Variants in SLC7A14 observed in about 807,000 individuals in gnomAD.
SLC7A14 encodes the protein gamma-aminobutyric acid transporter SLC7A14.
Under a neutral mutation model 60.2 loss-of-function variants are expected in SLC7A14, and 37 were observed. The observed-to-expected ratio is 0.61, with a 90% CI of 0.47 to 0.81. The LOEUF (loss-of-function observed/expected upper bound fraction) is 0.81. Ranked by LOEUF, SLC7A14 falls within the 30% of genes least tolerant of loss-of-function variation. SLC7A14 has a pLI of 0.00. For synonymous variants in SLC7A14, 399 were observed against 395.8 expected, an observed-to-expected ratio of 1.01 and a Z score of -0.10; for missense variants, 886 against 982.7, an observed-to-expected ratio of 0.90 and a Z score of 1.32.
intron 7 of SLC7A14, among the ~76,000 whole-genome samples, chr3:170,479,591 C>G (rs1577498580): frequency 1.3e-5 from 2 of 152,094 alleles, no homozygotes; most frequent in African/African-American, 4.8e-5. Flanking sequence ...CAATTGAGGA[C>G]CTAACAGAGT....
At chr3:170,497,439 G>A (rs116198307) in intron 4 of SLC7A14, among the ~76,000 whole-genome samples, 4,935 of 131,362 alleles carry the variant, frequency 0.038, 270 homozygotes, top group African/African-American at 0.15. Context: ...GCGTGGTTCG[G>A]AATAAACAAG....
intron 1 of SLC7A14, among the ~76,000 whole-genome samples, chr3:170,534,420 G>A (rs1330796214): frequency 6.6e-6 from 1 of 152,212 alleles, no homozygotes; most frequent in East Asian, 1.9e-4. Flanking sequence ...GGGGTGAGAA[G>A]TGTCCTCCTC....
intron 1 of SLC7A14, among the ~76,000 whole-genome samples, chr3:170,554,572 A>G (rs934726827): frequency 6.6e-6 from 1 of 151,990 alleles, no homozygotes; most frequent in South Asian, 2.1e-4. Context: ...CACAGCATTC[A>G]CCTGCTTCAG....
rs78146668 is a variant in SLC7A14, at chr3:170,575,849, A to G, written c.-153+10062T>C. On this transcript the variant is annotated intron_variant, in intron 1 of 7. Coordinates refer to ENST00000231706, the MANE Select transcript of SLC7A14 (RefSeq NM_020949.3). Reference sequence around the variant, plus strand: ...TTGGACTCCATGAGCCCTGAATTCAAATGATATTCCTAAGATACTCATAAA... The same window carrying G: ...TTGGACTCCATGAGCCCTGAATTCAGATGATATTCCTAAGATACTCATAAA... Among the ~76,000 whole-genome samples, 105 of 152,294 alleles carry G rather than the reference A, an allele frequency of 6.9e-4. 1 individual carries two copies. The East Asian group carries it at 0.019, about 27-fold the overall frequency.
rs1405478878 is a variant in SLC7A14, at chr3:170,461,636, T to G, written c.*5419A>C. On this transcript the variant is annotated 3_prime_UTR_variant, in exon 8 of 8. Transcript: ENST00000231706. ...AAACTTCAGCTTTCTGGTTCCTGCG[T>G]GTGGTGGGGCCTGCGGTTTGGGATG... 1 of 152,300 alleles carries G rather than the reference T, an allele frequency of 6.6e-6. No homozygotes were observed. The highest frequency in any genetic ancestry group is 1.5e-5 in the Non-Finnish European group (1 of 68,072). 9.4% of individuals were successfully genotyped at this position (152,300 alleles called of 1,614,324 possible).
chr3:170,485,513 A>G (rs1191588903), intron 5 of SLC7A14, among the ~76,000 whole-genome samples: 1 of 152,164 alleles, frequency 6.6e-6, no homozygotes, highest in African/African-American at 2.4e-5. Flanking sequence ...TGCCAGGGGC[A>G]GAGGGGGATG....
intron 1 of SLC7A14, among the ~76,000 whole-genome samples, chr3:170,576,447 C>T (rs575282459): frequency 6.6e-6 from 1 of 152,152 alleles, no homozygotes; most frequent in Non-Finnish European, 1.5e-5. Flanking sequence ...GAATCTTTGC[C>T]CCTGCAGAGG....
rs1711894139 is a variant in SLC7A14, at chr3:170,483,303, A to G, written c.1115+11T>C. 2 of 1,613,960 alleles carry G rather than the reference A, an allele frequency of 1.2e-6. No homozygotes were observed. Among genetic ancestry groups the G allele is most frequent in the Non-Finnish European group, 1.7e-6 (2 of 1,179,878 alleles). On this transcript the variant is annotated intron_variant, in intron 6 of 7. Transcript: ENST00000231706. ...CAGAGCAGGATAAATTTCATGGAGC[A>G]TAGCCCTTACCTGAAAAGGAGCCCG... is the stretch of plus-strand genomic sequence containing the variant.
intron 2 of SLC7A14, among the ~76,000 whole-genome samples, chr3:170,502,460 T>C (rs752393344): frequency 7.3e-5 from 11 of 150,830 alleles, no homozygotes; most frequent in Non-Finnish European, 1.5e-4. Context: ...GTTGGGAGAG[T>C]TCCCTATTTT....
chr3:170,490,217 C>A (rs540250976), intron 4 of SLC7A14, among the ~76,000 whole-genome samples: 1 of 152,180 alleles, frequency 6.6e-6, no homozygotes, highest in South Asian at 2.1e-4. Context: ...TAAATATATA[C>A]ACGTACTAAG....
At chr3:170,581,314 A>G (rs923038930) in intron 1 of SLC7A14, among the ~76,000 whole-genome samples, 5 of 152,258 alleles carry the variant, frequency 3.3e-5, no homozygotes, top group African/African-American at 7.2e-5. Flanking sequence ...AGGAATATCC[A>G]TAATGCTTGT....
At chr3:170,489,182 T>G (rs1002123792) in intron 4 of SLC7A14, among the ~76,000 whole-genome samples, 1 of 152,150 alleles carries the variant, frequency 6.6e-6, no homozygotes, top group Non-Finnish European at 1.5e-5. Flanking sequence ...ACCCACAGAA[T>G]AGGAGAAAAT....
At chr3:170,518,155 C>T (rs1010559987) in intron 2 of SLC7A14, among the ~76,000 whole-genome samples, 3 of 152,138 alleles carry the variant, frequency 2.0e-5, no homozygotes, top group Admixed American at 6.6e-5. Context: ...TCATCCCTCC[C>T]TCCACAGGGT....
rs143480713 is a variant in SLC7A14 at position 170,468,400 on chromosome 3, C to T, written c.1994-1023G>A. 3.1e-3 allele frequency among the ~76,000 whole-genome samples: 467 copies of T among 152,058 alleles called. 3 individuals are homozygous for T. The highest frequency in any genetic ancestry group is 0.011 in the African/African-American group (452 of 41,468). On this transcript the variant is annotated intron_variant, in intron 7 of 7. Coordinates refer to ENST00000231706, the MANE Select transcript of SLC7A14 (RefSeq NM_020949.3). ...GCAGTCTCTGCCTCATGGGCTCAAG[C>T]GATTCTCCTGCCTTGGCCTCTCGAG...
chr3:170,516,274 T>A (rs1713154892), intron 2 of SLC7A14, among the ~76,000 whole-genome samples: 1 of 152,226 alleles, frequency 6.6e-6, no homozygotes, highest in African/African-American at 2.4e-5. Context: ...GACAGAAAGA[T>A]GCTGAGCTTA....
intron 7 of SLC7A14, among the ~76,000 whole-genome samples, chr3:170,471,615 A>G (rs1476789362): frequency 6.6e-6 from 1 of 152,184 alleles, no homozygotes; most frequent in Non-Finnish European, 1.5e-5. Context: ...ACGTATTCCT[A>G]TGATGCCATC....
intron 7 of SLC7A14, among the ~76,000 whole-genome samples, chr3:170,467,709 A>G (rs1739760688): frequency 6.6e-6 from 1 of 152,238 alleles, no homozygotes; most frequent in South Asian, 2.1e-4. Flanking sequence ...CAGGGTCTCT[A>G]GGTTACCTCA....
chr3:170,544,701 T>C (rs538481036), intron 1 of SLC7A14, among the ~76,000 whole-genome samples: 1 of 152,352 alleles, frequency 6.6e-6, no homozygotes, highest in Non-Finnish European at 1.5e-5. Flanking sequence ...AAAGTGGAAA[T>C]GTCATTAAGT....
At chr3:170,485,894 A>G (rs1422371164) in intron 5 of SLC7A14, among the ~76,000 whole-genome samples, 1 of 151,922 alleles carries the variant, frequency 6.6e-6, no homozygotes, top group Non-Finnish European at 1.5e-5. Flanking sequence ...TTGCACATCC[A>G]CCCGTTACTG....
Sources: gnomAD v4.1 joint callset for allele counts (sites outside exome capture counted in the v4.1 genomes callset) on GRCh38, gnomAD v4.1.1 for gene constraint, MANE v1.5 for transcripts, NCBI Gene and HGNC (gene_info 2026-07-23, HGNC 2026-07-21) for gene names.